Variants in FOXP1 observed in about 807,000 individuals in gnomAD.
FOXP1 encodes forkhead box protein P1.
In FOXP1, 15 loss-of-function variants were observed where a neutral mutation model predicts 98.2. The ratio of observed to expected loss-of-function variants is 0.15; its 90% CI spans 0.10 to 0.24. The LOEUF is 0.24. Ranked by LOEUF, FOXP1 falls within the 10% of genes least tolerant of loss-of-function variation. The pLI, the probability that FOXP1 is intolerant of heterozygous loss-of-function variation, is 1.00. For synonymous variants in FOXP1, 371 were observed against 314.5 expected, an observed-to-expected ratio of 1.18 and a Z score of -1.90; for missense variants, 633 against 848.5, an observed-to-expected ratio of 0.75 and a Z score of 3.15.
chr3:71,524,929 C>T (rs756398581), intron 2 of FOXP1, among the ~76,000 whole-genome samples: 4 of 152,184 alleles, frequency 2.6e-5, no homozygotes, highest in Non-Finnish European at 5.9e-5. Flanking sequence ...CAATTACTTC[C>T]AGTCATGGCT....
At chr3:71,567,374 AG>A (rs1320582186) in intron 2 of FOXP1, among the ~76,000 whole-genome samples, 1 of 152,134 alleles carries the variant, frequency 6.6e-6, no homozygotes, top group Non-Finnish European at 1.5e-5. Context: ...ACCGAAACGC[AG>A]AGACTCCGTC....
At chr3:71,327,783 C>T (rs2076004888) in intron 4 of FOXP1, among the ~76,000 whole-genome samples, 1 of 152,194 alleles carries the variant, frequency 6.6e-6, no homozygotes, top group Non-Finnish European at 1.5e-5. Context: ...TGTATGTTTA[C>T]TGATACATTA....
At chr3:71,292,685 A>T (rs1341250601) in intron 5 of FOXP1, 1 of 152,220 alleles carries the variant, frequency 6.6e-6, no homozygotes, top group Non-Finnish European at 1.5e-5. Context: ...TTAACAAAAC[A>T]TCTAATTACC....
intron 4 of FOXP1, among the ~76,000 whole-genome samples, chr3:71,354,991 G>C (rs2078053775): frequency 6.6e-6 from 1 of 152,144 alleles, no homozygotes; most frequent in South Asian, 2.1e-4. Context: ...TATCCTTCAG[G>C]CTCAAGTGGC....
At chr3:70,987,620 C>T (rs758273056) in intron 14 of FOXP1, among the ~76,000 whole-genome samples, 2 of 152,182 alleles carry the variant, frequency 1.3e-5, no homozygotes, top group Non-Finnish European at 1.5e-5. Context: ...TGAAATGCCT[C>T]TTTGCTTTGC....
At chr3:71,434,731 A>C (rs1240407614) in intron 3 of FOXP1, among the ~76,000 whole-genome samples, 2 of 151,596 alleles carry the variant, frequency 1.3e-5, no homozygotes, top group African/African-American at 4.9e-5. Flanking sequence ...TCTTCTTACC[A>C]CAGATGTTGT....
At chr3:71,497,397 A>C (rs2091493937) in intron 2 of FOXP1, among the ~76,000 whole-genome samples, 1 of 152,224 alleles carries the variant, frequency 6.6e-6, no homozygotes, top group Non-Finnish European at 1.5e-5. Context: ...TGTGAAGTAG[A>C]GTAAGTGAAA....
intron 2 of FOXP1, among the ~76,000 whole-genome samples, chr3:71,545,689 A>G (rs2045301761): frequency 1.3e-5 from 2 of 152,338 alleles, no homozygotes; most frequent in South Asian, 4.1e-4. Flanking sequence ...TAACCTATAT[A>G]TATCGTTTTC....
At chr3:71,322,244 A>G (rs1346919036) in intron 4 of FOXP1, among the ~76,000 whole-genome samples, 1 of 152,262 alleles carries the variant, frequency 6.6e-6, no homozygotes, top group Non-Finnish European at 1.5e-5. Context: ...TGGGCTATGA[A>G]AAACAGTAGT....
intron 5 of FOXP1, among the ~76,000 whole-genome samples, chr3:71,298,034 G>C (rs1230023061): frequency 5.3e-5 from 8 of 152,206 alleles, no homozygotes; most frequent in Non-Finnish European, 7.3e-5. Context: ...ATAGAGACCA[G>C]GAGACAGCAA....
At chr3:70,987,845 A>T in intron 14 of FOXP1, 149 bp downstream of exon 14, 3 of 715,674 alleles carry the variant, frequency 4.2e-6, no homozygotes, top group Non-Finnish European at 5.0e-6. Context: ...CATAAAGGAT[A>T]ACCAGAAACA....
intron 3 of FOXP1, among the ~76,000 whole-genome samples, chr3:71,459,994 C>T (rs2087885116): frequency 1.3e-5 from 2 of 150,248 alleles, no homozygotes; most frequent in East Asian, 2.0e-4. Context: ...AGTGCAGTGG[C>T]GCGATCTCGG....
At chr3:71,250,594 T>C (rs1388478192) in intron 5 of FOXP1, among the ~76,000 whole-genome samples, 1 of 152,216 alleles carries the variant, frequency 6.6e-6, no homozygotes, top group Non-Finnish European at 1.5e-5. Flanking sequence ...CATTAAAAAT[T>C]GTATTTTCTT....
At chr3:71,484,853 T>C (rs1346657019) in intron 3 of FOXP1, among the ~76,000 whole-genome samples, 1 of 152,144 alleles carries the variant, frequency 6.6e-6, no homozygotes, top group Non-Finnish European at 1.5e-5. Context: ...GAAAATCTGA[T>C]GGGCCCTAAA....
intron 19 of FOXP1, among the ~76,000 whole-genome samples, chr3:70,967,645 GTTTTTT>G (rs905310255): frequency 1.7e-5 from 1 of 57,562 alleles, no homozygotes. Context: ...CTTTCTTTTT[GTTTTTT>G]TTTTGGCAGA....
chr3:71,143,529 T>C (rs1172979596), intron 6 of FOXP1, among the ~76,000 whole-genome samples: 3 of 152,192 alleles, frequency 2.0e-5, no homozygotes, highest in Non-Finnish European at 4.4e-5. Context: ...CACCACAGTT[T>C]CCTCATATGT....
intron 6 of FOXP1, among the ~76,000 whole-genome samples, chr3:71,129,841 T>C (rs984094721): frequency 6.6e-6 from 1 of 152,224 alleles, no homozygotes; most frequent in African/African-American, 2.4e-5. Flanking sequence ...ATACTGATTA[T>C]CCACAAGGAA....
In FOXP1 at chr3:71,120,576, G is replaced by A. The variant is rs146732397; in HGVS notation, c.181-7939C>T. Among the ~76,000 whole-genome samples, 7 of 152,332 alleles carry A rather than the reference G, an allele frequency of 4.6e-5. No individual in the cohort carries two copies. The East Asian group carries it at 1.3e-3, about 29-fold the overall frequency. On this transcript the variant is annotated intron_variant, in intron 6 of 20. Transcript: ENST00000649528. ...CACACCTACAGCATTCCAACATTAT[G>A]TGTTTGAGTCAAAGTGGAAAGGGAC...
intron 6 of FOXP1, among the ~76,000 whole-genome samples, chr3:71,159,856 A>G (rs775806511): frequency 1.3e-5 from 2 of 152,246 alleles, no homozygotes; most frequent in Admixed American, 6.5e-5. Context: ...GACAATAAAC[A>G]TAAGCAAAAG....
Sources: gnomAD v4.1 joint callset for allele counts (sites outside exome capture counted in the v4.1 genomes callset) on GRCh38, gnomAD v4.1.1 for gene constraint, MANE v1.5 for transcripts, NCBI Gene and HGNC (gene_info 2026-07-23, HGNC 2026-07-21) for gene names.